Variants in HAT1 observed in about 807,000 individuals in gnomAD.
HAT1 encodes the protein histone acetyltransferase type B catalytic subunit.
A neutral mutation model predicts 56.6 loss-of-function variants in HAT1; 20 were observed. That is an observed-to-expected ratio of 0.35 (90% CI 0.25 to 0.51). HAT1 has a LOEUF of 0.51. HAT1 is among the 20% of genes least tolerant of loss of function. The probability of loss-of-function intolerance (pLI) is 0.95; values close to 1 mark genes in which losing one functional copy is unlikely to be tolerated. For synonymous variants in HAT1, 146 were observed against 165.5 expected (o/e 0.88, Z 0.91); for missense variants, 408 against 504.3 (o/e 0.81, Z 1.83).
chr2:171,969,055 C>G (rs746867968), intron 8 of HAT1, among the ~76,000 whole-genome samples: 58 of 152,298 alleles, frequency 3.8e-4, no homozygotes, highest in Admixed American at 4.6e-4. Context: ...AGGTAAAATA[C>G]TGGCAGACAA....
At chr2:171,974,182 AAAAAAAAAAAG>A (rs1687893384) in intron 8 of HAT1, among the ~76,000 whole-genome samples, 2 of 102,538 alleles carry the variant, frequency 2.0e-5, no homozygotes, top group Non-Finnish European at 2.1e-5. Flanking sequence ...TCAAAAAAAA[AAAAAAAAAAAG>A]AAAAAAAGAA....
At chr2:171,969,180 A>G (rs1443907273) in intron 8 of HAT1, among the ~76,000 whole-genome samples, 3 of 152,216 alleles carry the variant, frequency 2.0e-5, no homozygotes, top group Non-Finnish European at 4.4e-5. Context: ...TTTCCTCTGG[A>G]CTTCTGAAAG....
At chr2:171,959,156 T>C (rs1337663543) in intron 4 of HAT1, among the ~76,000 whole-genome samples, 3 of 152,216 alleles carry the variant, frequency 2.0e-5, no homozygotes, top group Non-Finnish European at 4.4e-5. Context: ...ACTGTAGTGG[T>C]TTGATGTTTG....
At chr2:171,955,124 T>G (rs1049715782) in intron 4 of HAT1, among the ~76,000 whole-genome samples, 3 of 152,184 alleles carry the variant, frequency 2.0e-5, no homozygotes, top group Admixed American at 6.5e-5. Context: ...CCACCAAGTT[T>G]GTGGTAATTT....
chr2:171,967,830 A>C (rs1687719596), intron 8 of HAT1, among the ~76,000 whole-genome samples: 1 of 152,274 alleles, frequency 6.6e-6, no homozygotes, highest in South Asian at 2.1e-4. Context: ...AACATGCACT[A>C]AAACATTAAC....
chr2:171,966,227 A>C, intron 6 of HAT1, 182 bp from the exon 7 acceptor site: 1 of 635,950 alleles, frequency 1.6e-6, no homozygotes. Context: ...GGTCTGATTT[A>C]TCCAAGTTGC....
chr2:171,965,262 T>A, intron 4 of HAT1, 76 bp from the exon 5 acceptor site: 1 of 850,576 alleles, frequency 1.2e-6, no homozygotes, highest in South Asian at 1.9e-5. Flanking sequence ...GTTGGTTTTG[T>A]CAGTTTTAAA....
At chr2:171,934,912 C>A (rs1187097523) in intron 2 of HAT1, among the ~76,000 whole-genome samples, 1 of 151,764 alleles carries the variant, frequency 6.6e-6, no homozygotes, top group African/African-American at 2.4e-5. Flanking sequence ...CCCACCACCA[C>A]GCCCAGTTAA....
intron 8 of HAT1, among the ~76,000 whole-genome samples, chr2:171,970,204 G>T (rs1023474277): frequency 6.6e-6 from 1 of 151,954 alleles, no homozygotes; most frequent in African/African-American, 2.4e-5. Context: ...GGTGGATCAC[G>T]AGGTCAAGAG....
intron 3 of HAT1, among the ~76,000 whole-genome samples, chr2:171,951,376 T>C (rs542206826): frequency 2.6e-5 from 4 of 152,310 alleles, no homozygotes; most frequent in African/African-American, 9.6e-5. Flanking sequence ...CTTTAAAAAA[T>C]CTGTGTAATA....
At chr2:171,963,863 TGCA>T (rs1217978529) in intron 4 of HAT1, among the ~76,000 whole-genome samples, 1 of 152,194 alleles carries the variant, frequency 6.6e-6, no homozygotes, top group African/African-American at 2.4e-5. Flanking sequence ...TCCTATGAAA[TGCA>T]GTTTATTTGA....
At chr2:171,970,496 C>CTTTTTTTTTTTTTTTTT (rs61462189) in intron 8 of HAT1, among the ~76,000 whole-genome samples, 5 of 74,988 alleles carry the variant, frequency 6.7e-5, no homozygotes, top group Non-Finnish European at 8.9e-5. Flanking sequence ...AATGCAGTTT[C>CTTTTTTTTTTTTTTTTT]TTTTTTTTTT....
At chr2:171,922,600 T>G (rs1202815438) in intron 1 of HAT1, 93 bp downstream of exon 1, 3 of 1,092,558 alleles carry the variant, frequency 2.7e-6, no homozygotes, top group Non-Finnish European at 3.6e-6. Flanking sequence ...CCTAGAACTT[T>G]CGGGCTGTAG....
rs1003727972 is a variant in HAT1, at chr2:171,979,306, C to T, written c.1035C>T (p.Ala345=). The T allele has an allele frequency of 7.5e-6, 12 of 1,607,102 alleles. No individual in the cohort carries two copies. Among genetic ancestry groups the T allele is most frequent in the South Asian group, 4.4e-5 (4 of 90,604 alleles). The change falls in exon 10 of 11, where the codon GCC becomes GCT. Residue 345 remains alanine (A), a synonymous_variant. Transcript: ENST00000264108. ...LRLLVTDMSD[A]EQYRSYRLDI... ...TACTGGTAACTGACATGAGTGATGC[C>T]GAACAATACAGAAGCTACAGACTGG...
At chr2:171,973,061 G>A (rs1687859209) in intron 8 of HAT1, among the ~76,000 whole-genome samples, 1 of 152,116 alleles carries the variant, frequency 6.6e-6, no homozygotes, top group African/African-American at 2.4e-5. Flanking sequence ...TTCATTCTCA[G>A]GCAATCTCTT....
chr2:171,965,607 A>G, intron 5 of HAT1, 90 bp downstream of exon 5: 1 of 996,096 alleles, frequency 1.0e-6, no homozygotes, highest in South Asian at 1.6e-5. Flanking sequence ...TTCTAACTGC[A>G]GTAAACAAGT....
intron 8 of HAT1, among the ~76,000 whole-genome samples, chr2:171,969,099 A>G (rs1312701302): frequency 1.3e-5 from 2 of 152,192 alleles, no homozygotes; most frequent in Non-Finnish European, 2.9e-5. Flanking sequence ...TGAAGATACT[A>G]TTCTCTTAAG....
intron 1 of HAT1, chr2:171,923,513 C>T (rs144374942): frequency 1.3e-5 from 2 of 152,328 alleles, no homozygotes; most frequent in Non-Finnish European, 2.9e-5. Context: ...TGGCCTCAAG[C>T]CATCCTCTCG....
intron 4 of HAT1, among the ~76,000 whole-genome samples, chr2:171,957,983 C>T (rs1687486959): frequency 6.6e-6 from 1 of 152,118 alleles, no homozygotes; most frequent in African/African-American, 2.4e-5. Flanking sequence ...AAAGAATTAA[C>T]AATTAAACCA....
Sources: allele counts gnomAD v4.1 joint callset (sites outside exome capture counted in the v4.1 genomes callset), GRCh38; gene constraint gnomAD v4.1.1; transcripts MANE v1.5; gene names NCBI Gene and HGNC (gene_info 2026-07-23, HGNC 2026-07-21).